Variants in RPS6KA3 observed in about 807,000 individuals in gnomAD.
The protein encoded by RPS6KA3 is ribosomal protein S6 kinase alpha-3.
RPS6KA3 carries 4 observed loss-of-function variants against 67.2 expected under a neutral mutation model. The observed-to-expected ratio is 0.06, with a 90% CI of 0.03 to 0.14. RPS6KA3 has a LOEUF of 0.14. Among genes scored for constraint, RPS6KA3 ranks in the 10% least tolerant of loss-of-function variants. The pLI is 1.00. For synonymous variants in RPS6KA3, 182 were observed against 183.7 expected, an observed-to-expected ratio of 0.99 and a Z score of 0.07; for missense variants, 204 against 559.0, an observed-to-expected ratio of 0.36 and a Z score of 6.40.
Position 20,155,220 on chromosome X carries a change from C to T in RPS6KA3, c.*178G>A, listed in dbSNP as rs2067163226. On this transcript the variant is annotated 3_prime_UTR_variant, in exon 22 of 22. Coordinates refer to ENST00000379565, the MANE Select transcript of RPS6KA3 (RefSeq NM_004586.3). ...CGAAGCTCCAGGAAAATCTAACTTG[C>T]TAACAATCATTTAAAGCGAGAAGAG... The T allele has an allele frequency of 1.5e-5, 8 of 531,998 alleles. No individual in the cohort carries two copies. The highest frequency in any genetic ancestry group is 2.3e-5 in the African/African-American group (1 of 43,148). The allele number at this position is 531,998 out of a possible 1,213,427, so 43.8% of individuals were successfully genotyped here.
intron 10 of RPS6KA3, among the ~76,000 whole-genome samples, chrX:20,183,061 G>C (rs1379864666): frequency 1.8e-5 from 2 of 110,735 alleles, no homozygotes; most frequent in African/African-American, 6.6e-5. Flanking sequence ...TTTGGCCATT[G>C]AATATCCTCT....
intron 18 of RPS6KA3, among the ~76,000 whole-genome samples, chrX:20,164,578 TCTCA>T (rs764084792): frequency 4.6e-5 from 5 of 109,282 alleles, no homozygotes; most frequent in Non-Finnish European, 9.5e-5. Flanking sequence ...AGAGATGGGG[TCTCA>T]CTATGTTGCC....
intron 18 of RPS6KA3, among the ~76,000 whole-genome samples, chrX:20,163,289 G>A (rs1472490179): frequency 9.0e-6 from 1 of 111,491 alleles, no homozygotes; most frequent in Non-Finnish European, 1.9e-5. Context: ...AAAACAAACT[G>A]AAGATAACTT....
intron 20 of RPS6KA3, among the ~76,000 whole-genome samples, chrX:20,157,802 T>C (rs910794416): frequency 3.6e-5 from 4 of 110,464 alleles, no homozygotes; most frequent in African/African-American, 1.3e-4. Flanking sequence ...GGAGGAACGC[T>C]CTTAGGTGGG....
rs191851871 is a variant in RPS6KA3 at position 20,251,040 on chromosome X, T to G, written c.69+15524A>C. 2.8e-4 allele frequency among the ~76,000 whole-genome samples: 32 copies of G among 112,352 alleles called. No homozygotes were observed. The East Asian group carries it at 6.7e-3, about 24-fold the overall frequency. Reference sequence around the variant, plus strand: ...CATCCAAGACCACTCTGATTTTACCTTCATTCCTGAAGGATATTGTCACTT... The same window carrying G: ...CATCCAAGACCACTCTGATTTTACCGTCATTCCTGAAGGATATTGTCACTT... On this transcript the variant is annotated intron_variant, in intron 1 of 21. Transcript: ENST00000379565.
chrX:20,259,702 C>G (rs1377871995), intron 1 of RPS6KA3, among the ~76,000 whole-genome samples: 1 of 111,549 alleles, frequency 9.0e-6, no homozygotes, highest in Non-Finnish European at 1.9e-5. Context: ...GGGGTTCTGA[C>G]ATCAAGTCTC....
chrX:20,174,456 C>G (rs2067649840), intron 14 of RPS6KA3, among the ~76,000 whole-genome samples: 1 of 104,385 alleles, frequency 9.6e-6, no homozygotes, highest in Non-Finnish European at 1.9e-5. Context: ...TCAAGTGATT[C>G]TCTTGCCTCG....
In RPS6KA3 at chrX:20,153,997, G is replaced by A. The variant is rs1478771823; in HGVS notation, c.*1401C>T. On this transcript the variant is annotated 3_prime_UTR_variant, in exon 22 of 22. Coordinates refer to ENST00000379565, the MANE Select transcript of RPS6KA3 (RefSeq NM_004586.3). ...TATGTCTTTTACATTACATACTGAT[G>A]TATGCTAGGCAGCTTGGCAAAGACA... is the stretch of plus-strand genomic sequence containing the variant. 4.5e-5 allele frequency: 5 copies of A among 112,210 alleles called. No homozygotes were observed. The highest frequency in any genetic ancestry group is 1.6e-4 in the African/African-American group (5 of 30,866). The allele number at this position is 112,210 out of a possible 1,213,427, so 9.2% of individuals were successfully genotyped here.
In RPS6KA3 at chrX:20,185,364, A is replaced by ATTTTCTTTTC. The variant is rs771638684; in HGVS notation, c.845+922_845+931dup. On this transcript the variant is annotated intron_variant, in intron 10 of 21. Coordinates refer to ENST00000379565, the MANE Select transcript of RPS6KA3 (RefSeq NM_004586.3). The stretch of plus-strand genomic sequence containing the variant: ...TTCTAAGAATTTATATGATCACTGG[A>ATTTTCTTTTC]TTTTCTTTTCTTTTCTTTTCTTTTT... Among the ~76,000 whole-genome samples the ATTTTCTTTTC allele has an allele frequency of 1.2e-4, 13 of 110,020 alleles. No homozygotes were observed. The South Asian group carries it at 3.9e-3, about 33-fold the overall frequency.
At chrX:20,242,834 T>A (rs1328884195) in intron 1 of RPS6KA3, among the ~76,000 whole-genome samples, 1 of 110,978 alleles carries the variant, frequency 9.0e-6, no homozygotes, top group Non-Finnish European at 1.9e-5. Context: ...GTTAGGGGAA[T>A]GAGAAGAGGA....
chrX:20,254,656 A>G (rs188191982), intron 1 of RPS6KA3, among the ~76,000 whole-genome samples: 15 of 112,652 alleles, frequency 1.3e-4, no homozygotes, highest in African/African-American at 4.2e-4. Context: ...GCATTAGAAC[A>G]AAAGCCAACT....
chrX:20,165,271 C>G (rs1041558459), intron 17 of RPS6KA3, among the ~76,000 whole-genome samples: 1 of 111,714 alleles, frequency 9.0e-6, no homozygotes, highest in Non-Finnish European at 1.9e-5. Flanking sequence ...ATAGTACTTA[C>G]CTCCCTCCTC....
intron 7 of RPS6KA3, 145 bp from the exon 8 acceptor site, chrX:20,188,679 A>T: frequency 2.4e-6 from 1 of 413,595 alleles, no homozygotes. Context: ...AAGGCAAAGG[A>T]GGAACAAATT....
intron 19 of RPS6KA3, among the ~76,000 whole-genome samples, chrX:20,162,167 C>G (rs1175973836): frequency 9.3e-6 from 1 of 108,073 alleles, no homozygotes; most frequent in Admixed American, 1.0e-4. Flanking sequence ...GAAACATTGT[C>G]TCAACTAAAA....
At chrX:20,187,281 T>C (rs1249452570) in intron 9 of RPS6KA3, among the ~76,000 whole-genome samples, 1 of 110,903 alleles carries the variant, frequency 9.0e-6, no homozygotes, top group African/African-American at 3.3e-5. Context: ...TGCAATGGCA[T>C]GATCTTGGCT....
intron 16 of RPS6KA3, among the ~76,000 whole-genome samples, chrX:20,169,030 T>A (rs1463883023): frequency 8.9e-6 from 1 of 111,784 alleles, no homozygotes. Context: ...TTTTTAAATA[T>A]TCTTTAGAGA....
At chrX:20,176,641 G>A in intron 11 of RPS6KA3, 143 bp from the exon 12 acceptor site, 1 of 487,231 alleles carries the variant, frequency 2.1e-6, no homozygotes, top group South Asian at 3.4e-5. Flanking sequence ...ACCCAGGCTG[G>A]AGCGCAGTGG....
At chrX:20,223,464 A>G (rs2069034423) in intron 2 of RPS6KA3, among the ~76,000 whole-genome samples, 1 of 111,768 alleles carries the variant, frequency 8.9e-6, no homozygotes, top group African/African-American at 3.2e-5. Context: ...GGCTATTGGT[A>G]TACTGTTTCT....
chrX:20,170,712 A>G (rs1304770752), intron 15 of RPS6KA3, among the ~76,000 whole-genome samples: 4 of 109,512 alleles, frequency 3.7e-5, no homozygotes, highest in Non-Finnish European at 7.6e-5. Context: ...CCTGGGCCCA[A>G]GTGATCCTCC....
Sources: allele counts gnomAD v4.1 joint callset (sites outside exome capture counted in the v4.1 genomes callset), GRCh38; gene constraint gnomAD v4.1.1; transcripts MANE v1.5; gene names NCBI Gene and HGNC (gene_info 2026-07-23, HGNC 2026-07-21).